The following MAPKAPK5 variants were observed in gnomAD, a reference collection of about 807,000 sequenced individuals.
MAPKAPK5 encodes MAPK activated protein kinase 5.
Under a neutral mutation model 65.1 loss-of-function variants are expected in MAPKAPK5, and 30 were observed. The ratio of observed to expected loss-of-function variants is 0.46; its 90% CI spans 0.34 to 0.63. The LOEUF (loss-of-function observed/expected upper bound fraction) is 0.63. Ranked by LOEUF, MAPKAPK5 falls within the 20% of genes least tolerant of loss-of-function variation. The probability of loss-of-function intolerance (pLI) is 0.01; values close to 1 mark genes in which losing one functional copy is unlikely to be tolerated. For synonymous variants in MAPKAPK5, 179 were observed against 204.6 expected, an observed-to-expected ratio of 0.87 and a Z score of 1.07; for missense variants, 433 against 581.4, an observed-to-expected ratio of 0.74 and a Z score of 2.63.
chr12:111,901,558 G>T lies in MAPKAPK5; in HGVS notation c.*8497G>T, dbSNP rs561559847. 6.0e-6 allele frequency: 2 copies of T among 335,390 alleles called. No homozygotes were observed. Among genetic ancestry groups the T allele is most frequent in the Non-Finnish European group, 5.9e-6 (1 of 170,296 alleles). The allele number at this position is 335,390 out of a possible 1,614,324, so 20.8% of individuals were successfully genotyped here. A position where few individuals can be genotyped will look rare whatever the true frequency, so the allele number is the denominator to read the frequency against. ...TTAAAAAATCACCAGAGGCTGCCCCGGCAGAAGCTCCTCCAGCAGTGGCTC... is the reference window on the plus strand; with the variant it reads ...TTAAAAAATCACCAGAGGCTGCCCCTGCAGAAGCTCCTCCAGCAGTGGCTC... On this transcript the variant is annotated 3_prime_UTR_variant, in exon 14 of 14. Coordinates refer to ENST00000550735, the MANE Select transcript of MAPKAPK5 (RefSeq NM_003668.4).
chr12:111,888,941 C>A lies in MAPKAPK5; in HGVS notation c.1157C>A (p.Ser386Tyr), dbSNP rs2070508447. 3 of 1,612,382 alleles carry A rather than the reference C, an allele frequency of 1.9e-6. No individual in the cohort carries two copies. In the African/African-American group the frequency reaches 4.0e-5, roughly 22 times the overall value. ...GACCATGAGAATGGAGCCGAGGATT[C>A]CAATGTTGCCTTGGAAAAACTCCGA... ...IHDHENGAED[S>Y]NVALEKLRDV... The change falls in exon 12 of 14, where the codon TCC becomes TAC. Residue 386 changes from serine (S) to tyrosine (Y), a missense_variant. Physicochemically the swap from Ser to Tyr is moderately radical, Grantham distance 144. This residue lies in a region of MAPKAPK5 where 169 missense variants were observed against 215.6 expected (regional missense o/e 0.78). Transcript: ENST00000550735.
chr12:111,865,458 AG>A, intron 2 of MAPKAPK5, 135 bp downstream of exon 2: 4 of 658,990 alleles, frequency 6.1e-6, no homozygotes, highest in Non-Finnish European at 1.1e-5. Context: ...TAACAAGTAC[AG>A]GTTTTTATGT....
intron 1 of MAPKAPK5, among the ~76,000 whole-genome samples, chr12:111,853,103 C>T (rs991946292): frequency 6.6e-6 from 1 of 152,074 alleles, no homozygotes; most frequent in Non-Finnish European, 1.5e-5. Context: ...TTCTTCTTCA[C>T]GCCTGTAATC....
chr12:111,880,018 G>A, intron 7 of MAPKAPK5: 2 of 218,402 alleles, frequency 9.2e-6, no homozygotes, highest in Non-Finnish European at 1.9e-5. Flanking sequence ...CAGGATAATG[G>A]TCTCACGGTG....
In MAPKAPK5 at chr12:111,901,728, C is replaced by A; in HGVS notation, c.*8667C>A. On this transcript the variant is annotated 3_prime_UTR_variant, in exon 14 of 14. Coordinates refer to ENST00000550735, the MANE Select transcript of MAPKAPK5 (RefSeq NM_003668.4). Reference sequence around the variant, plus strand: ...TAAGGTTAGAAATAGGGAGATGAAGCCAAGTATATCAAACTCCTCAAGTAC... The same window carrying A: ...TAAGGTTAGAAATAGGGAGATGAAGACAAGTATATCAAACTCCTCAAGTAC... 1 of 241,392 alleles carries A rather than the reference C, an allele frequency of 4.1e-6. No individual in the cohort carries two copies. Among genetic ancestry groups the A allele is most frequent in the African/African-American group, 2.3e-5 (1 of 42,910 alleles). 15.0% of individuals were successfully genotyped at this position (241,392 alleles called of 1,614,324 possible).
chr12:111,864,398 C>G (rs1235788826), intron 1 of MAPKAPK5, among the ~76,000 whole-genome samples: 1 of 152,164 alleles, frequency 6.6e-6, no homozygotes. Flanking sequence ...CACGGGGTTT[C>G]ACCATGTTGG....
In MAPKAPK5 at chr12:111,900,480, TCTGA is replaced by T; in HGVS notation, c.*7422_*7425del. 2.2e-6 allele frequency: 1 copy of T among 456,088 alleles called. No homozygotes were observed. The highest frequency in any genetic ancestry group is 1.5e-5 in the South Asian group (1 of 64,560). 28.3% of individuals were successfully genotyped at this position (456,088 alleles called of 1,614,324 possible). Reference sequence around the variant, plus strand: ...AGAAAGTGGCTTCAGCAGCTGCAGCTCTGACTACTTCTACCAGTTCCTTCGAGAA... The same window carrying T: ...AGAAAGTGGCTTCAGCAGCTGCAGCTCTACTTCTACCAGTTCCTTCGAGAA... On this transcript the variant is annotated 3_prime_UTR_variant, in exon 14 of 14. Transcript: ENST00000550735.
Position 111,888,933 on chromosome 12 carries a change from C to G in MAPKAPK5, c.1149C>G (p.Ala383=). ...SVYIHDHENG[A]EDSNVALEKL... ...ATATCCACGACCATGAGAATGGAGC[C>G]GAGGATTCCAATGTTGCCTTGGAAA... Residue 383 remains alanine (A), a synonymous_variant, in exon 12 of 14, where the codon GCC becomes GCG. Coordinates refer to ENST00000550735, the MANE Select transcript of MAPKAPK5 (RefSeq NM_003668.4). The G allele has an allele frequency of 6.2e-7, 1 of 1,613,056 alleles. No homozygotes were observed. Among genetic ancestry groups the G allele is most frequent in the Non-Finnish European group, 8.5e-7 (1 of 1,179,572 alleles).
chr12:111,847,338 A>C (rs2068937323), intron 1 of MAPKAPK5, among the ~76,000 whole-genome samples: 2 of 122,546 alleles, frequency 1.6e-5, no homozygotes, highest in Admixed American at 1.6e-4. Context: ...ACAGGGTGAG[A>C]CTCTGCAAAA....
chr12:111,870,176 A>G (rs1311730518), intron 5 of MAPKAPK5, 95 bp from the exon 6 acceptor site: 2 of 717,488 alleles, frequency 2.8e-6, no homozygotes, highest in Non-Finnish European at 2.2e-6. Flanking sequence ...AGTCTTAATG[A>G]AGGCTTGTTT....
chr12:111,895,092 CTTTT>C lies in MAPKAPK5; in HGVS notation c.*2050_*2053del, dbSNP rs760515328. 19,910 of 106,014 alleles carry C rather than the reference CTTTT, an allele frequency of 0.19. 1,564 individuals are homozygous for C. Among genetic ancestry groups the C allele is most frequent in the African/African-American group, 0.31 (6,687 of 21,888 alleles). 6.6% of individuals were successfully genotyped at this position (106,014 alleles called of 1,614,324 possible). ...AAGAATTACCTTATTACATTGCTTCCTTTTTTTTTTTTTTTTTTTTTTGAGATGG... is the reference window on the plus strand; with the variant it reads ...AAGAATTACCTTATTACATTGCTTCCTTTTTTTTTTTTTTTTTTGAGATGG... On this transcript the variant is annotated 3_prime_UTR_variant, in exon 14 of 14. Coordinates refer to ENST00000550735, the MANE Select transcript of MAPKAPK5 (RefSeq NM_003668.4).
At chr12:111,885,522 C>T (rs1004452589) in intron 9 of MAPKAPK5, 2 of 163,272 alleles carry the variant, frequency 1.2e-5, no homozygotes, top group East Asian at 1.7e-4. Context: ...TCAACTAATT[C>T]TGCAGCCACT....
At chr12:111,843,266 C>G (rs1478604717) in intron 1 of MAPKAPK5, 11 of 398,512 alleles carry the variant, frequency 2.8e-5, no homozygotes, top group Non-Finnish European at 4.9e-5. Flanking sequence ...CTCACTTTTC[C>G]GTGTATTCTC....
intron 1 of MAPKAPK5, among the ~76,000 whole-genome samples, chr12:111,846,687 C>T (rs7307625): frequency 0.2 from 29,590 of 151,172 alleles, 3,108 homozygotes; most frequent in Middle Eastern, 0.27. Flanking sequence ...TTAGTAGAGA[C>T]GGGGTTTCAC....
chr12:111,878,019 T>TA (rs1043116658), intron 7 of MAPKAPK5, among the ~76,000 whole-genome samples: 9 of 145,170 alleles, frequency 6.2e-5, no homozygotes, highest in African/African-American at 2.1e-4. Context: ...TTTTTTTTTT[T>TA]AAACTCTCCC....
rs1186904326 is a variant in MAPKAPK5, at chr12:111,842,862, G to C, written c.36+93G>C. 21 of 1,194,420 alleles carry C rather than the reference G, an allele frequency of 1.8e-5. No individual in the cohort carries two copies. The East Asian group carries it at 6.3e-4, about 36-fold the overall frequency. The allele number at this position is 1,194,420 out of a possible 1,614,324, so 74.0% of individuals were successfully genotyped here. ...AAGCAGGGAGATTTTGCAGTGAGAG[G>C]TTCCATCGACTACCGGGTTTCGGCC... On this transcript the variant is annotated intron_variant, in intron 1 of 13. Coordinates refer to ENST00000550735, the MANE Select transcript of MAPKAPK5 (RefSeq NM_003668.4).
At chr12:111,856,043 C>A (rs2069229272) in intron 1 of MAPKAPK5, among the ~76,000 whole-genome samples, 1 of 151,510 alleles carries the variant, frequency 6.6e-6, no homozygotes, top group African/African-American at 2.4e-5. Flanking sequence ...TTAGTAGAGA[C>A]TGGGTTTCTC....
intron 8 of MAPKAPK5, among the ~76,000 whole-genome samples, chr12:111,881,270 C>T (rs1267591846): frequency 6.6e-6 from 1 of 152,082 alleles, no homozygotes; most frequent in East Asian, 1.9e-4. Context: ...GTCGGGGTTT[C>T]TCCATGTTGG....
intron 7 of MAPKAPK5, among the ~76,000 whole-genome samples, chr12:111,872,629 C>G (rs368431880): frequency 8.5e-5 from 13 of 152,276 alleles, no homozygotes; most frequent in African/African-American, 2.9e-4. Context: ...TGAAATGGTA[C>G]TCAGTGCTAT....
Sources: gnomAD v4.1 joint callset for allele counts (sites outside exome capture counted in the v4.1 genomes callset) on GRCh38, gnomAD v4.1.1 for gene constraint, gnomAD v4.1.1 regional missense constraint, MANE v1.5 for transcripts, NCBI Gene and HGNC (gene_info 2026-07-23, HGNC 2026-07-21) for gene names.